Variants in CDH12 observed in about 807,000 individuals in gnomAD.
The protein encoded by CDH12 is cadherin 12.
In CDH12, 41 loss-of-function variants were observed where a neutral mutation model predicts 74.1. That is an observed-to-expected ratio of 0.55 (90% CI 0.43 to 0.72). CDH12 has a LOEUF of 0.72. Among genes scored for constraint, CDH12 ranks in the 30% least tolerant of loss-of-function variants. The pLI, the probability that CDH12 is intolerant of heterozygous loss-of-function variation, is 0.00. For missense variants in CDH12, 945 were observed against 977.2 expected (o/e 0.97, Z 0.44); for synonymous variants, 399 against 355.0 (o/e 1.12, Z -1.39).
intron 4 of CDH12, among the ~76,000 whole-genome samples, chr5:22,103,520 A>G (rs1744265538): frequency 6.6e-6 from 1 of 152,152 alleles, no homozygotes; most frequent in Admixed American, 6.6e-5. Context: ...GAGCTCCTTT[A>G]ATTTCATAAA....
chr5:21,845,995 G>A (rs1750146940), intron 7 of CDH12, among the ~76,000 whole-genome samples: 1 of 152,122 alleles, frequency 6.6e-6, no homozygotes, highest in African/African-American at 2.4e-5. Context: ...GGCTACCTAG[G>A]AGCCAGGCAT....
At position 22,392,363 on chromosome 5, in the gene CDH12, C is replaced by T. The variant is rs1404514818; in HGVS notation, c.-333+12894G>A. On this transcript the variant is annotated intron_variant, in intron 3 of 14. Coordinates refer to ENST00000382254, the MANE Select transcript of CDH12 (RefSeq NM_004061.5). ...TCATTAATAAAGCTAACACTTGACC[C>T]CCACCTGTTCGTTCCCTACTTTTGT... Among the ~76,000 whole-genome samples, 5 of 152,272 alleles carry T rather than the reference C, an allele frequency of 3.3e-5. No homozygotes were observed. In the South Asian group the frequency reaches 1.0e-3, roughly 32 times the overall value.
chr5:21,762,919 G>A (rs1037976586), intron 12 of CDH12, among the ~76,000 whole-genome samples: 8 of 147,260 alleles, frequency 5.4e-5, no homozygotes, highest in African/African-American at 2.0e-4. Flanking sequence ...CATCCTGAAA[G>A]TGGAAAATAG....
At chr5:22,580,873 T>C (rs1232865876) in intron 1 of CDH12, 1 of 173,682 alleles carries the variant, frequency 5.8e-6, no homozygotes. Context: ...ATTTTGCCCA[T>C]GGCCTAGAGA....
chr5:22,774,624 T>A (rs1274740068), intron 1 of CDH12, among the ~76,000 whole-genome samples: 1 of 152,200 alleles, frequency 6.6e-6, no homozygotes, highest in Admixed American at 6.5e-5. Context: ...CGCTCTCTAT[T>A]CCTGCTGCCA....
chr5:21,836,512 C>A (rs1459630768), intron 8 of CDH12, among the ~76,000 whole-genome samples: 1 of 149,004 alleles, frequency 6.7e-6, no homozygotes, highest in African/African-American at 2.5e-5. Context: ...TTCACATTTT[C>A]TATAATGGAA....
chr5:22,672,818 C>T (rs974398706), intron 1 of CDH12, among the ~76,000 whole-genome samples: 5 of 152,118 alleles, frequency 3.3e-5, no homozygotes, highest in Admixed American at 6.5e-5. Flanking sequence ...CCTCTATTCT[C>T]TTATTGAAAT....
At chr5:22,698,734 T>G (rs370569110) in intron 1 of CDH12, among the ~76,000 whole-genome samples, 6,323 of 13,814 alleles carry the variant, frequency 0.46, 1,139 homozygotes, top group Middle Eastern at 0.62. Flanking sequence ...TATATATATA[T>G]AGTGTGTGTG....
rs192707551 is a variant in CDH12, at chr5:22,740,566, T to C, written c.-523+112492A>G. 1.9e-4 allele frequency among the ~76,000 whole-genome samples: 29 copies of C among 152,246 alleles called. No individual in the cohort carries two copies. The East Asian group carries it at 4.2e-3, about 22-fold the overall frequency. On this transcript the variant is annotated intron_variant, in intron 1 of 14. Coordinates refer to ENST00000382254, the MANE Select transcript of CDH12 (RefSeq NM_004061.5). The stretch of plus-strand genomic sequence containing the variant: ...AAAATGTGTGTTTCAAGACAACTTA[T>C]TAGCATCTTCATTGTAAATATAAAA...
At chr5:22,672,433 T>C (rs1740952476) in intron 1 of CDH12, among the ~76,000 whole-genome samples, 1 of 151,988 alleles carries the variant, frequency 6.6e-6, no homozygotes, top group Admixed American at 6.6e-5. Context: ...TTTGCTCTCA[T>C]GAAGGGATTA....
chr5:22,032,493 C>CTGAA (rs1738885690), intron 5 of CDH12, among the ~76,000 whole-genome samples: 1 of 151,722 alleles, frequency 6.6e-6, no homozygotes, highest in Non-Finnish European at 1.5e-5. Context: ...GGTGGATCAC[C>CTGAA]TGAGGTTGGG....
intron 3 of CDH12, among the ~76,000 whole-genome samples, chr5:22,319,426 C>T (rs1738768280): frequency 6.6e-6 from 1 of 152,130 alleles, no homozygotes; most frequent in Admixed American, 6.5e-5. Context: ...ACGCAGTTTA[C>T]ACAGATGCTA....
chr5:22,348,959 T>G (rs963074986), intron 3 of CDH12, among the ~76,000 whole-genome samples: 10 of 152,146 alleles, frequency 6.6e-5, no homozygotes, highest in African/African-American at 2.2e-4. Context: ...ATTCATATGT[T>G]AAAATCCTAA....
chr5:22,013,500 T>C (rs1457570769), intron 5 of CDH12, among the ~76,000 whole-genome samples: 7 of 152,130 alleles, frequency 4.6e-5, no homozygotes, highest in Admixed American at 6.5e-5. Context: ...TGTAAATACA[T>C]ATATAAATAG....
At chr5:22,481,321 A>G (rs1396103775) in intron 2 of CDH12, among the ~76,000 whole-genome samples, 2 of 152,214 alleles carry the variant, frequency 1.3e-5, no homozygotes, top group Non-Finnish European at 2.9e-5. Flanking sequence ...TAGAATTACT[A>G]TATGATCCAG....
rs557124254 is a variant in CDH12, at chr5:22,823,264, A to G, written c.-523+29794T>C. Among the ~76,000 whole-genome samples, 325 of 151,626 alleles carry G rather than the reference A, an allele frequency of 2.1e-3. 4 individuals are homozygous for G. Among genetic ancestry groups the G allele is most frequent in the African/African-American group, 5.4e-3 (221 of 41,280 alleles). ...GGGGGGAGGGGGGAGGGATAGCATTAGGAGTTACACCTAATGCTAAATGAC... is the reference window on the plus strand; with the variant it reads ...GGGGGGAGGGGGGAGGGATAGCATTGGGAGTTACACCTAATGCTAAATGAC... On this transcript the variant is annotated intron_variant, in intron 1 of 14. Transcript: ENST00000382254.
At chr5:22,592,086 T>C (rs1188738845) in intron 1 of CDH12, among the ~76,000 whole-genome samples, 1 of 152,194 alleles carries the variant, frequency 6.6e-6, no homozygotes, top group African/African-American at 2.4e-5. Context: ...TTTCACTTCT[T>C]GGATTCTGCA....
At chr5:22,249,483 T>C (rs1753065109) in intron 3 of CDH12, among the ~76,000 whole-genome samples, 1 of 152,182 alleles carries the variant, frequency 6.6e-6, no homozygotes, top group South Asian at 2.1e-4. Context: ...TCTGTATCCA[T>C]AACTAAAATC....
In CDH12 at chr5:21,922,215, C is replaced by T. The variant is rs191767651; in HGVS notation, c.526+52876G>A. Reference sequence around the variant, plus strand: ...TTTAGAAGAATGTATTTGTTTATTTCTCTCTTTATACACAGGAACATATTT... The same window carrying T: ...TTTAGAAGAATGTATTTGTTTATTTTTCTCTTTATACACAGGAACATATTT... On this transcript the variant is annotated intron_variant, in intron 6 of 14. Coordinates refer to ENST00000382254, the MANE Select transcript of CDH12 (RefSeq NM_004061.5). Among the ~76,000 whole-genome samples, 7 of 152,214 alleles carry T rather than the reference C, an allele frequency of 4.6e-5. No individual in the cohort carries two copies. In the East Asian group the frequency reaches 9.7e-4, roughly 21 times the overall value.
Sources: allele counts gnomAD v4.1 joint callset (sites outside exome capture counted in the v4.1 genomes callset), GRCh38; gene constraint gnomAD v4.1.1; transcripts MANE v1.5; gene names NCBI Gene and HGNC (gene_info 2026-07-23, HGNC 2026-07-21).